PDE4D: variants seen among roughly 807,000 people sequenced by gnomAD.
The protein encoded by PDE4D is 3',5'-cyclic-AMP phosphodiesterase 4D.
In PDE4D, 24 loss-of-function variants were observed where a neutral mutation model predicts 87.4. The observed-to-expected ratio is 0.27, with a 90% CI of 0.20 to 0.39. The LOEUF (loss-of-function observed/expected upper bound fraction) is 0.39. Ranked by LOEUF, PDE4D falls within the 10% of genes least tolerant of loss-of-function variation. The probability of loss-of-function intolerance (pLI) is 1.00; values close to 1 mark genes in which losing one functional copy is unlikely to be tolerated. For synonymous variants in PDE4D, 384 were observed against 383.2 expected, an observed-to-expected ratio of 1.00 and a Z score of -0.02; for missense variants, 714 against 1,041.0, an observed-to-expected ratio of 0.69 and a Z score of 4.32.
intron 6 of PDE4D, among the ~76,000 whole-genome samples, chr5:59,017,021 G>A (rs1200769108): frequency 6.6e-6 from 1 of 152,132 alleles, no homozygotes; most frequent in Non-Finnish European, 1.5e-5. Flanking sequence ...TGGTATTTGG[G>A]AAGAGACTCG....
chr5:58,989,691 A>G (rs1747410984), intron 10 of PDE4D, 64 bp downstream of exon 10: 2 of 1,008,550 alleles, frequency 2.0e-6, no homozygotes, highest in Middle Eastern at 2.2e-4. Flanking sequence ...CCCTTCAGAT[A>G]AAAGTTTAAT....
intron 6 of PDE4D, among the ~76,000 whole-genome samples, chr5:59,036,206 TTC>T (rs1192973644): frequency 6.6e-6 from 1 of 152,214 alleles, no homozygotes; most frequent in African/African-American, 2.4e-5. Flanking sequence ...ATAATAAGTA[TTC>T]TCTATCACCA....
chr5:59,081,549 T>C (rs1258381780), intron 5 of PDE4D, among the ~76,000 whole-genome samples: 1 of 145,822 alleles, frequency 6.9e-6, no homozygotes, highest in Non-Finnish European at 1.5e-5. Context: ...GTGGGTTTGT[T>C]ACCTGACCTA....
At chr5:60,463,143 T>C (rs1747088160) in intron 1 of PDE4D, among the ~76,000 whole-genome samples, 1 of 152,130 alleles carries the variant, frequency 6.6e-6, no homozygotes, top group African/African-American at 2.4e-5. Context: ...AAAGAAAACA[T>C]TGTGGATGGC....
intron 2 of PDE4D, among the ~76,000 whole-genome samples, chr5:59,990,504 A>G (rs1305146927): frequency 6.6e-6 from 1 of 151,280 alleles, no homozygotes; most frequent in Non-Finnish European, 1.5e-5. Context: ...TGTATAGACA[A>G]GACGACAGAA....
At chr5:60,431,289 G>A (rs1294940231) in intron 1 of PDE4D, among the ~76,000 whole-genome samples, 14 of 149,740 alleles carry the variant, frequency 9.3e-5, no homozygotes, top group South Asian at 2.1e-4. Context: ...GGCAGCTGCC[G>A]GGCGGAGGGG....
At chr5:59,625,504 TAA>T (rs796517733) in intron 1 of PDE4D, among the ~76,000 whole-genome samples, 10 of 141,948 alleles carry the variant, frequency 7.0e-5, no homozygotes, top group Admixed American at 1.4e-4. Context: ...GCTGCGACAT[TAA>T]AAAAAAAAAA....
intron 11 of PDE4D, among the ~76,000 whole-genome samples, chr5:58,978,473 T>C (rs538847934): frequency 6.6e-6 from 1 of 151,902 alleles, no homozygotes; most frequent in South Asian, 2.1e-4. Flanking sequence ...ATCTTTTTTC[T>C]AACGAATGCA....
At chr5:59,900,377 A>G (rs1044568899) in intron 3 of PDE4D, among the ~76,000 whole-genome samples, 1 of 152,176 alleles carries the variant, frequency 6.6e-6, no homozygotes, top group Non-Finnish European at 1.5e-5. Flanking sequence ...TATTTTGTAT[A>G]TAGGAAGAAA....
chr5:59,565,231 T>C (rs1280370409), intron 1 of PDE4D, among the ~76,000 whole-genome samples: 3 of 152,014 alleles, frequency 2.0e-5, no homozygotes, highest in Non-Finnish European at 4.4e-5. Flanking sequence ...ATTTAGAAAG[T>C]TACTGGGCCA....
rs201522819 is a variant in PDE4D at position 60,041,316 on chromosome 5, GA to G, written c.43-52600del. Among the ~76,000 whole-genome samples the G allele has an allele frequency of 7.4e-3, 1,122 of 151,060 alleles. 25 individuals are homozygous for G. Among genetic ancestry groups the G allele is most frequent in the East Asian group, 0.046 (236 of 5,146 alleles). ...TGTCCAAAGCCTCCATTTCTCTTGA[GA>G]AAAAAAAATCACTTCTTGTCATGTT... On this transcript the variant is annotated intron_variant, in intron 2 of 16. Coordinates refer to the PDE4D transcript ENST00000502484.
At chr5:59,473,894 T>C (rs1461276525) in intron 1 of PDE4D, among the ~76,000 whole-genome samples, 1 of 152,084 alleles carries the variant, frequency 6.6e-6, no homozygotes, top group African/African-American at 2.4e-5. Context: ...ACAACAGAAG[T>C]CAGTTCTCCT....
At chr5:60,409,578 G>A (rs1006385086) in intron 1 of PDE4D, among the ~76,000 whole-genome samples, 12 of 151,814 alleles carry the variant, frequency 7.9e-5, no homozygotes, top group Admixed American at 1.3e-4. Context: ...TTGATTATGC[G>A]CTTACTTTGG....
chr5:59,137,525 C>CTTT (rs61134818), intron 5 of PDE4D, among the ~76,000 whole-genome samples: 125 of 139,598 alleles, frequency 9.0e-4, no homozygotes, highest in Non-Finnish European at 1.5e-3. Context: ...GGGAAAGTTT[C>CTTT]TTTTTTTTTT....
intron 1 of PDE4D, among the ~76,000 whole-genome samples, chr5:60,252,714 T>G (rs1464354147): frequency 6.6e-6 from 1 of 151,706 alleles, no homozygotes; most frequent in Non-Finnish European, 1.5e-5. Context: ...TGGAGTAAAA[T>G]CCAAGAGAGC....
At chr5:59,943,930 CAAG>C (rs1189226343) in intron 3 of PDE4D, among the ~76,000 whole-genome samples, 1 of 152,132 alleles carries the variant, frequency 6.6e-6, no homozygotes, top group Middle Eastern at 3.2e-3. Flanking sequence ...CGAAGGGAAG[CAAG>C]AAGATGAATG....
chr5:59,547,418 T>G (rs1029114233), intron 1 of PDE4D, among the ~76,000 whole-genome samples: 12 of 152,094 alleles, frequency 7.9e-5, no homozygotes, highest in African/African-American at 2.9e-4. Context: ...AAATTAGAAT[T>G]TAACACCTTG....
chr5:59,910,253 G>A (rs545126780), intron 3 of PDE4D, among the ~76,000 whole-genome samples: 4 of 152,096 alleles, frequency 2.6e-5, no homozygotes, highest in African/African-American at 4.8e-5. Flanking sequence ...AACATTTTTT[G>A]TATTCAACTA....
chr5:59,181,599 G>A (rs1741607951), intron 4 of PDE4D, among the ~76,000 whole-genome samples: 1 of 128,632 alleles, frequency 7.8e-6, no homozygotes, highest in Non-Finnish European at 1.6e-5. Context: ...TATATATATT[G>A]CCTCTACCAA....
Sources: gnomAD v4.1 joint callset for allele counts (sites outside exome capture counted in the v4.1 genomes callset) on GRCh38, gnomAD v4.1.1 for gene constraint, MANE v1.5 for transcripts, NCBI Gene and HGNC (gene_info 2026-07-23, HGNC 2026-07-21) for gene names.